HMGB1: variants seen among roughly 807,000 people sequenced by gnomAD.
HMGB1 encodes high mobility group protein B1.
For synonymous variants in HMGB1, 81 were observed against 84.0 expected, an observed-to-expected ratio of 0.96 and a Z score of 0.19; for missense variants, 79 against 253.5, an observed-to-expected ratio of 0.31 and a Z score of 4.67.
chr13:30,465,142 C>G (rs1321522160), intron 1 of HMGB1: 7 of 970,432 alleles, frequency 7.2e-6, no homozygotes, highest in African/African-American at 1.8e-5. Flanking sequence ...GCGCCGGGCC[C>G]GAGTCAGCCA....
intron 4 of HMGB1, 32 bp from the exon 5 acceptor site, chr13:30,461,565 G>C (rs1436608571): frequency 6.4e-7 from 1 of 1,568,652 alleles, no homozygotes; most frequent in African/African-American, 1.4e-5. Context: ...AAAACAGTAG[G>C]GAAGAAAAAA....
chr13:30,502,887 G>T (rs1887766229), intron 1 of HMGB1, among the ~76,000 whole-genome samples: 1 of 151,988 alleles, frequency 6.6e-6, no homozygotes. Context: ...TGCTGGCCAG[G>T]CTGGTCTCAA....
rs560734445 is a variant in HMGB1 at position 30,580,397 on chromosome 13, A to G, written c.-15+36274T>C. Among the ~76,000 whole-genome samples, 14 of 152,340 alleles carry G rather than the reference A, an allele frequency of 9.2e-5. No individual in the cohort carries two copies. In the South Asian group the frequency reaches 2.7e-3, roughly 29 times the overall value. On this transcript the variant is annotated intron_variant, in intron 1 of 4. Coordinates refer to the HMGB1 transcript ENST00000405805. ...AAAGATATTTGGTAATCTTGTTAAA[A>G]TCATTAGACATCCCAGGCTATCTGG...
intron 1 of HMGB1, chr13:30,464,242 G>A (rs1350580089): frequency 1.0e-5 from 10 of 985,386 alleles, no homozygotes; most frequent in African/African-American, 5.2e-5. Flanking sequence ...TCCGGTGCTC[G>A]GAACCCGGTT....
intron 1 of HMGB1, among the ~76,000 whole-genome samples, chr13:30,566,519 T>C (rs1007616520): frequency 6.6e-6 from 1 of 152,244 alleles, no homozygotes; most frequent in African/African-American, 2.4e-5. Context: ...CATGAAATAT[T>C]CTTTTGATTT....
intron 1 of HMGB1, among the ~76,000 whole-genome samples, chr13:30,478,992 C>A (rs1279336245): frequency 6.6e-6 from 1 of 151,996 alleles, no homozygotes; most frequent in African/African-American, 2.4e-5. Flanking sequence ...CCTCAGCCTC[C>A]CAAATAGCTG....
intron 1 of HMGB1, among the ~76,000 whole-genome samples, chr13:30,581,471 CT>C (rs1414107997): frequency 5.9e-5 from 9 of 152,208 alleles, no homozygotes; most frequent in African/African-American, 2.2e-4. Context: ...TCAATGGCTG[CT>C]TTTGCGCTAC....
At chr13:30,560,249 A>G (rs1869890701) in intron 1 of HMGB1, among the ~76,000 whole-genome samples, 1 of 152,242 alleles carries the variant, frequency 6.6e-6, no homozygotes, top group Non-Finnish European at 1.5e-5. Flanking sequence ...CATGTAAGTC[A>G]AAGCAGGAAA....
At chr13:30,511,181 A>G (rs747816761) in intron 1 of HMGB1, among the ~76,000 whole-genome samples, 18 of 152,246 alleles carry the variant, frequency 1.2e-4, no homozygotes, top group Non-Finnish European at 2.1e-4. Flanking sequence ...CAGGGCATCA[A>G]TGTTTTCCTT....
chr13:30,483,318 T>G (rs2067249346), intron 1 of HMGB1, among the ~76,000 whole-genome samples: 1 of 151,718 alleles, frequency 6.6e-6, no homozygotes, highest in African/African-American at 2.4e-5. Flanking sequence ...TCTCACTCAG[T>G]TGCCCGGCCC....
At chr13:30,504,365 T>A (rs1471617667) in intron 1 of HMGB1, among the ~76,000 whole-genome samples, 1 of 152,234 alleles carries the variant, frequency 6.6e-6, no homozygotes, top group African/African-American at 2.4e-5. Context: ...ATCTTTCATA[T>A]CTGAAATTTG....
chr13:30,547,862 G>A (rs1277145545), intron 1 of HMGB1, among the ~76,000 whole-genome samples: 2 of 152,174 alleles, frequency 1.3e-5, no homozygotes, highest in African/African-American at 4.8e-5. Context: ...AGGCTGCAGT[G>A]AGCCAAGATT....
intron 1 of HMGB1, among the ~76,000 whole-genome samples, chr13:30,475,096 A>G (rs1593264720): frequency 2.2e-5 from 2 of 90,780 alleles, no homozygotes; most frequent in African/African-American, 9.2e-5. Flanking sequence ...GCTGGAGTGC[A>G]GTGGTGCAAC....
intron 1 of HMGB1, among the ~76,000 whole-genome samples, chr13:30,608,507 C>T (rs1313673908): frequency 6.6e-6 from 1 of 152,150 alleles, no homozygotes; most frequent in African/African-American, 2.4e-5. Flanking sequence ...TCATGGCTGA[C>T]CTCTACTCTT....
chr13:30,572,656 G>A (rs754253256), intron 1 of HMGB1, among the ~76,000 whole-genome samples: 2 of 152,144 alleles, frequency 1.3e-5, no homozygotes, highest in African/African-American at 4.8e-5. Flanking sequence ...TAGTGACTCC[G>A]TTGACCCTGG....
chr13:30,547,842 C>T (rs1053861718), intron 1 of HMGB1, among the ~76,000 whole-genome samples: 2 of 151,978 alleles, frequency 1.3e-5, no homozygotes, highest in East Asian at 1.9e-4. Flanking sequence ...TGCTTGAACC[C>T]GGGAGGCAGA....
At chr13:30,544,764 A>ACGCCTGATTTGTAGCT (rs531624514) in intron 1 of HMGB1, among the ~76,000 whole-genome samples, 197 of 152,350 alleles carry the variant, frequency 1.3e-3, no homozygotes, top group African/African-American at 4.5e-3. Flanking sequence ...CCTGAGGAGA[A>ACGCCTGATTTGTAGCT]GGAGGTGGGA....
Position 30,494,872 on chromosome 13 carries a change from G to A in HMGB1, c.-14-31178C>T, listed in dbSNP as rs142472132. On this transcript the variant is annotated intron_variant, in intron 1 of 4. Coordinates refer to the HMGB1 transcript ENST00000405805. ...CTCTATGAATTTGACTACTCTAGGT[G>A]GTAGAGTATGTAAGAGTATATATTC... Among the ~76,000 whole-genome samples, 209 of 152,124 alleles carry A rather than the reference G, an allele frequency of 1.4e-3. 1 individual carries two copies. The highest frequency in any genetic ancestry group is 3.4e-3 in the Middle Eastern group (1 of 294).
intron 1 of HMGB1, chr13:30,539,887 T>G: frequency 1.3e-5 from 2 of 154,844 alleles, no homozygotes; most frequent in South Asian, 3.7e-4. Context: ...TCTGGCTGCT[T>G]GAGATCTTCT....
Sources: allele counts gnomAD v4.1 joint callset (sites outside exome capture counted in the v4.1 genomes callset), GRCh38; gene constraint gnomAD v4.1.1; transcripts MANE v1.5; gene names NCBI Gene and HGNC (gene_info 2026-07-23, HGNC 2026-07-21).